MAP2K6: variants seen among roughly 807,000 people sequenced by gnomAD.
The protein encoded by MAP2K6 is dual specificity mitogen-activated protein kinase kinase 6.
Under a neutral mutation model 53.7 loss-of-function variants are expected in MAP2K6, and 16 were observed. That is an observed-to-expected ratio of 0.30 (90% CI 0.20 to 0.45). MAP2K6 has a LOEUF of 0.45. Among genes scored for constraint, MAP2K6 ranks in the 20% least tolerant of loss-of-function variants. MAP2K6 has a pLI of 1.00. For synonymous variants in MAP2K6, 132 were observed against 143.1 expected, an observed-to-expected ratio of 0.92 and a Z score of 0.55; for missense variants, 204 against 411.9, an observed-to-expected ratio of 0.50 and a Z score of 4.37.
Position 69,516,857 on chromosome 17 carries a change from C to T in MAP2K6, c.86C>T (p.Pro29Leu). 1 of 1,592,814 alleles carries T rather than the reference C, an allele frequency of 6.3e-7. No homozygotes were observed. Among genetic ancestry groups the T allele is most frequent in the Non-Finnish European group, 8.6e-7 (1 of 1,162,296 alleles). The change falls in exon 3 of 12, where the codon CCA (proline) becomes CTA (leucine). Residue 29 changes from proline (P) to leucine (L), a missense_variant and splice_region_variant. Coordinates refer to ENST00000590474, the MANE Select transcript of MAP2K6 (RefSeq NM_002758.4). ...AFEQPQTSST[P>L]PRDLDSKACI... is the part of the protein sequence containing the mutation. ...CTTTTCCCCCTTATCTTTCTTAGAC[C>T]ACCTCGAGATTTAGACTCCAAGGCT...
At chr17:69,460,306 A>G (rs1238179009) in intron 1 of MAP2K6, among the ~76,000 whole-genome samples, 3 of 152,314 alleles carry the variant, frequency 2.0e-5, no homozygotes, top group Middle Eastern at 3.4e-3. Flanking sequence ...TTAGAAGGAC[A>G]GGTGCTTGAG....
At chr17:69,519,997 G>T in intron 5 of MAP2K6, 1 of 381,518 alleles carries the variant, frequency 2.6e-6, no homozygotes, top group South Asian at 3.3e-5. Context: ...GGGTTGTATT[G>T]CTTATGTCTG....
chr17:69,434,853 T>G (rs1205495156), intron 1 of MAP2K6: 1 of 152,212 alleles, frequency 6.6e-6, no homozygotes, highest in East Asian at 1.9e-4. Flanking sequence ...GGGCCTCAGT[T>G]TTTTTGTCTG....
At chr17:69,430,901 A>G (rs1906441196) in intron 1 of MAP2K6, among the ~76,000 whole-genome samples, 1 of 152,196 alleles carries the variant, frequency 6.6e-6, no homozygotes, top group African/African-American at 2.4e-5. Context: ...CTGCTACTCT[A>G]TTCTAACAAT....
At chr17:69,457,444 T>G (rs1023842440) in intron 1 of MAP2K6, among the ~76,000 whole-genome samples, 4 of 152,208 alleles carry the variant, frequency 2.6e-5, no homozygotes, top group Non-Finnish European at 2.9e-5. Context: ...TAGGGGATCC[T>G]CTTCTTATTA....
At chr17:69,508,992 G>C (rs117597188) in intron 2 of MAP2K6, among the ~76,000 whole-genome samples, 1 of 152,292 alleles carries the variant, frequency 6.6e-6, no homozygotes, top group Non-Finnish European at 1.5e-5. Context: ...CTGCCAGTAT[G>C]ACATTGTCTT....
At chr17:69,478,159 C>A (rs914941175) in intron 1 of MAP2K6, among the ~76,000 whole-genome samples, 2 of 152,180 alleles carry the variant, frequency 1.3e-5, no homozygotes. Flanking sequence ...GGCGCTTGAA[C>A]GCCAGTTTGA....
At chr17:69,534,213 C>T (rs116979223) in intron 10 of MAP2K6, among the ~76,000 whole-genome samples, 4 of 152,306 alleles carry the variant, frequency 2.6e-5, no homozygotes, top group East Asian at 3.9e-4. Flanking sequence ...GAACCACCCA[C>T]GTAGACTCTC....
chr17:69,450,019 C>T (rs1351968092), intron 1 of MAP2K6, among the ~76,000 whole-genome samples: 28 of 152,026 alleles, frequency 1.8e-4, no homozygotes, highest in Admixed American at 1.8e-3. Context: ...ACTGCAACCT[C>T]CGCCTCCCAG....
intron 1 of MAP2K6, among the ~76,000 whole-genome samples, chr17:69,478,594 A>T (rs992555676): frequency 6.6e-6 from 1 of 152,096 alleles, no homozygotes. Flanking sequence ...CACCATGCCC[A>T]GCTAATTTTT....
intron 2 of MAP2K6, among the ~76,000 whole-genome samples, chr17:69,509,907 T>C (rs1451310451): frequency 6.6e-6 from 1 of 152,086 alleles, no homozygotes; most frequent in Admixed American, 6.5e-5. Flanking sequence ...AGAGGTGTGA[T>C]CATGGCTCAC....
intron 1 of MAP2K6, among the ~76,000 whole-genome samples, chr17:69,449,993 G>A (rs1009958001): frequency 6.6e-6 from 1 of 151,768 alleles, no homozygotes; most frequent in Non-Finnish European, 1.5e-5. Flanking sequence ...GGAGTGCAGT[G>A]GCGCGATCTT....
At chr17:69,530,047 CT>C (rs1396677932) in intron 10 of MAP2K6, among the ~76,000 whole-genome samples, 1 of 152,168 alleles carries the variant, frequency 6.6e-6, no homozygotes, top group Non-Finnish European at 1.5e-5. Flanking sequence ...TTTCCTGAAA[CT>C]GTTAATTCTA....
At chr17:69,535,207 A>T (rs1223050222) in intron 10 of MAP2K6, among the ~76,000 whole-genome samples, 1 of 152,208 alleles carries the variant, frequency 6.6e-6, no homozygotes, top group Non-Finnish European at 1.5e-5. Context: ...TCTAACAAGA[A>T]TAATTGCTGT....
intron 1 of MAP2K6, among the ~76,000 whole-genome samples, chr17:69,418,347 G>C (rs186232046): frequency 6.6e-6 from 1 of 152,258 alleles, no homozygotes; most frequent in Non-Finnish European, 1.5e-5. Context: ...TTGTTTTTCA[G>C]ATTAGTGTTA....
intron 1 of MAP2K6, among the ~76,000 whole-genome samples, chr17:69,426,798 A>T (rs1018033233): frequency 3.7e-5 from 2 of 53,492 alleles, no homozygotes; most frequent in Admixed American, 1.5e-4. Context: ...AGAAGGATTT[A>T]AAAAAAAAAA....
At chr17:69,446,865 T>C (rs1276347059) in intron 1 of MAP2K6, among the ~76,000 whole-genome samples, 1 of 152,122 alleles carries the variant, frequency 6.6e-6, no homozygotes. Context: ...ATAAGGTTTT[T>C]TTTTTTTTTA....
chr17:69,465,379 G>A (rs908779860), intron 1 of MAP2K6, among the ~76,000 whole-genome samples: 3 of 152,004 alleles, frequency 2.0e-5, no homozygotes, highest in Non-Finnish European at 2.9e-5. Context: ...TGTATCAAAA[G>A]CAACCTAAGT....
chr17:69,467,260 T>A (rs560347796), intron 1 of MAP2K6, among the ~76,000 whole-genome samples: 183 of 152,336 alleles, frequency 1.2e-3, no homozygotes, highest in African/African-American at 4.3e-3. Flanking sequence ...AAGAAGAGAC[T>A]GAAACATGTT....
Sources: allele counts gnomAD v4.1 joint callset (sites outside exome capture counted in the v4.1 genomes callset), GRCh38; gene constraint gnomAD v4.1.1; transcripts MANE v1.5; gene names NCBI Gene and HGNC (gene_info 2026-07-23, HGNC 2026-07-21).